ELMO2: variants seen among roughly 807,000 people sequenced by gnomAD.
ELMO2 encodes the protein engulfment and cell motility 2, also known as engulfment and cell motility protein 2.
ELMO2 carries 37 observed loss-of-function variants against 96.2 expected under a neutral mutation model. The observed-to-expected ratio is 0.38, with a 90% CI of 0.30 to 0.51. The LOEUF (loss-of-function observed/expected upper bound fraction) is 0.51. Among genes scored for constraint, ELMO2 ranks in the 20% least tolerant of loss-of-function variants. ELMO2 has a pLI of 0.88. For synonymous variants in ELMO2, 315 were observed against 329.4 expected (o/e 0.96, Z 0.47); for missense variants, 561 against 912.6 (o/e 0.61, Z 4.96).
intron 11 of ELMO2, among the ~76,000 whole-genome samples, chr20:46,377,869 C>T (rs909442187): frequency 6.6e-6 from 1 of 152,152 alleles, no homozygotes; most frequent in African/African-American, 2.4e-5. Context: ...CCCTTCCTTC[C>T]CACTCCCCCC....
Position 46,374,542 on chromosome 20 carries a change from G to A in ELMO2, c.1164C>T (p.Tyr388=), listed in dbSNP as rs779600313. The A allele has an allele frequency of 1.2e-6, 2 of 1,614,048 alleles. No homozygotes were observed. Among genetic ancestry groups the A allele is most frequent in the Non-Finnish European group, 1.7e-6 (2 of 1,179,988 alleles). The change falls in exon 14 of 22, where the codon TAC becomes TAT. Residue 388 remains tyrosine, a synonymous_variant. Coordinates refer to ENST00000290246, the MANE Select transcript of ELMO2 (RefSeq NM_133171.5). ...CCAGCTCCCCTGCCTTTACCCGGAT[G>A]TAGGTGTCCTGGTGGACTTTAGCCA... is the stretch of plus-strand genomic sequence containing the variant. ...LYLAKVHQDT[Y]IRIVLENSSR...
At chr20:46,386,545 G>A (rs1294849322) in intron 8 of ELMO2, among the ~76,000 whole-genome samples, 1 of 152,190 alleles carries the variant, frequency 6.6e-6, no homozygotes, top group African/African-American at 2.4e-5. Context: ...AAGGGTTCCA[G>A]TTTGAGAAAG....
At chr20:46,404,007 G>A (rs973524615) in intron 1 of ELMO2, among the ~76,000 whole-genome samples, 3 of 152,130 alleles carry the variant, frequency 2.0e-5, no homozygotes, top group Non-Finnish European at 1.5e-5. Context: ...TCGCTTGAAC[G>A]TGGGAGGTGG....
At chr20:46,370,402 G>A in intron 20 of ELMO2, 41 bp downstream of exon 20, 1 of 1,578,762 alleles carries the variant, frequency 6.3e-7, no homozygotes, top group Non-Finnish European at 8.7e-7. Flanking sequence ...CACTCTCCAA[G>A]TATCACTGGG....
At chr20:46,389,689 A>T (rs59865536) in intron 6 of ELMO2, among the ~76,000 whole-genome samples, 6 of 152,018 alleles carry the variant, frequency 3.9e-5, no homozygotes, top group African/African-American at 7.2e-5. Flanking sequence ...CTCCCAAAAA[A>T]TTTTTTAAAA....
chr20:46,377,745 C>T (rs1018599203), intron 11 of ELMO2, among the ~76,000 whole-genome samples: 14 of 152,186 alleles, frequency 9.2e-5, no homozygotes, highest in African/African-American at 2.2e-4. Flanking sequence ...GTCACAGGCA[C>T]GCCCTCTGTC....
At position 46,367,499 on chromosome 20, in the gene ELMO2, G is replaced by A. The variant is rs2059606977; in HGVS notation, c.2024C>T (p.Thr675Ile). 1 of 1,613,666 alleles carries A rather than the reference G, an allele frequency of 6.2e-7. No individual in the cohort carries two copies. The highest frequency in any genetic ancestry group is 1.1e-5 in the South Asian group (1 of 91,026). The change falls in exon 22 of 22, where the codon ACC (threonine) becomes ATC (isoleucine). Residue 675 changes from threonine to isoleucine, a missense_variant. Transcript: ENST00000290246. Reference sequence around the variant, plus strand: ...CAGCAGGGTGTCCAGGTCACTCTTGGTCAGCTCACTGGACATGTCCTTCCC... The same window carrying A: ...CAGCAGGGTGTCCAGGTCACTCTTGATCAGCTCACTGGACATGTCCTTCCC... Reference protein sequence around the residue: ...LLGKDMSSELTKSDLDTLLSM... With the variant: ...LLGKDMSSELIKSDLDTLLSM...
In ELMO2 at chr20:46,368,765, T is replaced by C. The variant is rs1012923069; in HGVS notation, c.1962+126A>G. The C allele has an allele frequency of 1.0e-5, 10 of 961,832 alleles. No homozygotes were observed. In the African/African-American group the frequency reaches 1.6e-4, roughly 16 times the overall value. The allele number at this position is 961,832 out of a possible 1,614,324, so 59.6% of individuals were successfully genotyped here. On this transcript the variant is annotated intron_variant, in intron 21 of 21. Transcript: ENST00000290246. The stretch of plus-strand genomic sequence containing the variant: ...GAAATGCCACCTTCTTCTCAAAGCC[T>C]TCCTAGGCTTCAATATACACTGCAG...
rs757620384 is a variant in ELMO2, at chr20:46,394,399, G to A, written c.78+6C>T. ...TGAACCACTGCTTCTCACTTCAGGAGCATACCTGGTCGATTTCAAGGAGCT... is the reference window on the plus strand; with the variant it reads ...TGAACCACTGCTTCTCACTTCAGGAACATACCTGGTCGATTTCAAGGAGCT... On this transcript the variant is annotated splice_donor_region_variant and intron_variant, in intron 3 of 21. Transcript: ENST00000290246. The A allele has an allele frequency of 6.2e-7, 1 of 1,614,070 alleles. No individual in the cohort carries two copies. Among genetic ancestry groups the A allele is most frequent in the East Asian group, 2.2e-5 (1 of 44,882 alleles).
At chr20:46,374,108 T>G (rs1265148757) in intron 15 of ELMO2, among the ~76,000 whole-genome samples, 2 of 144,980 alleles carry the variant, frequency 1.4e-5, no homozygotes, top group Non-Finnish European at 3.0e-5. Flanking sequence ...GTTTTTTTTT[T>G]TTTTTTTTTT....
At chr20:46,374,943 A>G (rs1027721564) in intron 13 of ELMO2, among the ~76,000 whole-genome samples, 5 of 152,182 alleles carry the variant, frequency 3.3e-5, no homozygotes, top group African/African-American at 1.2e-4. Flanking sequence ...TATTCACACT[A>G]GCTTTGCAAA....
At position 46,371,554 on chromosome 20, in the gene ELMO2, C is replaced by G. The variant is rs2059708200; in HGVS notation, c.1693+25G>C. On this transcript the variant is annotated intron_variant, in intron 18 of 21. Coordinates refer to ENST00000290246, the MANE Select transcript of ELMO2 (RefSeq NM_133171.5). The surrounding 1 kb of genome is among the most constrained non-coding windows in gnomAD (Gnocchi z 5.9). Reference sequence around the variant, plus strand: ...CATCCAGGCAGGCTCTTCCCGGCACCAAGGATTGCCCCGTCTCCTCTCACC... The same window carrying G: ...CATCCAGGCAGGCTCTTCCCGGCACGAAGGATTGCCCCGTCTCCTCTCACC... 6.2e-7 allele frequency: 1 copy of G among 1,603,872 alleles called. No homozygotes were observed. Among genetic ancestry groups the G allele is most frequent in the East Asian group, 2.2e-5 (1 of 44,696 alleles).
In ELMO2 at chr20:46,375,129, A is replaced by C. The variant is rs1044605171; in HGVS notation, c.1065+107T>G. 15 of 1,439,052 alleles carry C rather than the reference A, an allele frequency of 1.0e-5. No individual in the cohort carries two copies. In the African/African-American group the frequency reaches 1.6e-4, roughly 15 times the overall value. 89.1% of individuals were successfully genotyped at this position (1,439,052 alleles called of 1,614,324 possible). A position where few individuals can be genotyped will look rare whatever the true frequency, so the allele number is the denominator to read the frequency against. On this transcript the variant is annotated intron_variant, in intron 13 of 21. Coordinates refer to ENST00000290246, the MANE Select transcript of ELMO2 (RefSeq NM_133171.5). The surrounding 1 kb of genome is among the most constrained non-coding windows in gnomAD (Gnocchi z 4.6). The stretch of plus-strand genomic sequence containing the variant: ...TCCACCAGCTTCCTAACTGTCATCT[A>C]TTCCAGGGCCACCATGGGGTTGGTT...
chr20:46,401,458 G>C (rs553786575), intron 1 of ELMO2, among the ~76,000 whole-genome samples: 3 of 152,310 alleles, frequency 2.0e-5, no homozygotes, highest in Non-Finnish European at 4.4e-5. Context: ...GTGGTGAGAA[G>C]GGGTGTGGGG....
At chr20:46,405,278 C>T (rs1283642416) in intron 1 of ELMO2, among the ~76,000 whole-genome samples, 1 of 152,126 alleles carries the variant, frequency 6.6e-6, no homozygotes. Flanking sequence ...ACAGGGATGC[C>T]TCCCCTGCAG....
At chr20:46,387,701 G>A (rs2060074861) in intron 7 of ELMO2, 1 of 346,586 alleles carries the variant, frequency 2.9e-6, no homozygotes, top group South Asian at 5.6e-5. Context: ...TCATCCCAGG[G>A]ACACAGAATC....
chr20:46,401,778 C>G (rs899718642), intron 1 of ELMO2, among the ~76,000 whole-genome samples: 3 of 152,156 alleles, frequency 2.0e-5, no homozygotes, highest in Admixed American at 1.3e-4. Context: ...TGGCAAACTT[C>G]AACTCAACCT....
intron 10 of ELMO2, 129 bp downstream of exon 10, chr20:46,383,287 C>T: frequency 1.0e-6 from 1 of 994,380 alleles, no homozygotes; most frequent in Admixed American, 2.0e-5. Flanking sequence ...GGGCTCCAGA[C>T]CAGACAGCTA....
intron 9 of ELMO2, 119 bp from the exon 10 acceptor site, chr20:46,383,613 G>T: frequency 1.0e-6 from 1 of 989,778 alleles, no homozygotes; most frequent in Non-Finnish European, 1.6e-6. Flanking sequence ...CTGGAGCTCA[G>T]TCTCAAAAGC....
Sources: allele counts gnomAD v4.1 joint callset (sites outside exome capture counted in the v4.1 genomes callset), GRCh38; gene constraint gnomAD v4.1.1; non-coding constraint Gnocchi (gnomAD v3.1); transcripts MANE v1.5; gene names NCBI Gene and HGNC (gene_info 2026-07-23, HGNC 2026-07-21).